ALG1L2: variants seen among roughly 807,000 people sequenced by gnomAD.
The protein encoded by ALG1L2 is ALG1 chitobiosyldiphosphodolichol beta-mannosyltransferase like 2.
ALG1L2 carries 32 observed loss-of-function variants against 29.0 expected under a neutral mutation model. That is an observed-to-expected ratio of 1.10 (90% CI 0.83 to 1.48). The LOEUF (loss-of-function observed/expected upper bound fraction) is 1.48, where lower values mean the gene tolerates loss of function less well. Ranked by LOEUF, ALG1L2 falls within the 40% of genes most tolerant of loss-of-function variation. The pLI, the probability that ALG1L2 is intolerant of heterozygous loss-of-function variation, is 0.00. For missense variants in ALG1L2, 318 were observed against 274.1 expected, an observed-to-expected ratio of 1.16 and a Z score of -1.13; for synonymous variants, 110 against 109.5, an observed-to-expected ratio of 1.00 and a Z score of -0.03.
intron 1 of ALG1L2, chr3:130,090,693 A>G (rs1165741590): frequency 6.5e-6 from 1 of 154,928 alleles, no homozygotes; most frequent in Non-Finnish European, 1.4e-5. Flanking sequence ...ATAAACGCTA[A>G]TAACTTACCT....
At chr3:130,090,416 G>A (rs1171530650) in intron 1 of ALG1L2, among the ~76,000 whole-genome samples, 5 of 152,304 alleles carry the variant, frequency 3.3e-5, no homozygotes, top group Non-Finnish European at 7.3e-5. Flanking sequence ...AATAGAATCA[G>A]CTTTGGACCC....
intron 5 of ALG1L2, among the ~76,000 whole-genome samples, chr3:130,095,822 C>T (rs140590021): frequency 0.026 from 3,901 of 152,120 alleles, 139 homozygotes; most frequent in African/African-American, 0.086. Flanking sequence ...AACAAAACAA[C>T]AAAAAAATCA....
At chr3:130,084,823 G>A (rs865774801) in intron 1 of ALG1L2, among the ~76,000 whole-genome samples, 2 of 130,086 alleles carry the variant, frequency 1.5e-5, no homozygotes, top group African/African-American at 2.6e-5. Context: ...CAGTCTTCAC[G>A]TGGTCTTCTC....
At chr3:130,082,868 T>C (rs1186212499) in intron 1 of ALG1L2, among the ~76,000 whole-genome samples, 3 of 143,652 alleles carry the variant, frequency 2.1e-5, no homozygotes, top group Admixed American at 7.2e-5. Flanking sequence ...CTGCAAGAGA[T>C]GCTGACAGCA....
intron 4 of ALG1L2, among the ~76,000 whole-genome samples, chr3:130,093,633 A>G (rs1336484917): frequency 6.6e-6 from 1 of 152,118 alleles, no homozygotes; most frequent in Non-Finnish European, 1.5e-5. Context: ...CATGTTGGCC[A>G]GGCTGGTCTT....
At position 130,098,365 on chromosome 3, in the gene ALG1L2, C is replaced by G. The variant is rs200632453; in HGVS notation, c.*110C>G. 1 of 1,596,160 alleles carries G rather than the reference C, an allele frequency of 6.3e-7. No homozygotes were observed. The highest frequency in any genetic ancestry group is 8.5e-7 in the Non-Finnish European group (1 of 1,179,626). ...GCTCCCTTTGGTTATGGACACATAACTCCTGGGCCAGAGGCTAAAACCCCA... is the reference window on the plus strand; with the variant it reads ...GCTCCCTTTGGTTATGGACACATAAGTCCTGGGCCAGAGGCTAAAACCCCA... On this transcript the variant is annotated 3_prime_UTR_variant, in exon 8 of 8. Transcript: ENST00000425059.
chr3:130,094,816 C>T (rs1577329756), intron 5 of ALG1L2, among the ~76,000 whole-genome samples: 2 of 152,338 alleles, frequency 1.3e-5, no homozygotes, highest in Middle Eastern at 6.8e-3. Flanking sequence ...GCCACTGTTG[C>T]CCAGGTGTGG....
chr3:130,089,775 TCA>T lies in ALG1L2; in HGVS notation c.21-1482_21-1481del, dbSNP rs529464427. 1.4e-4 allele frequency among the ~76,000 whole-genome samples: 22 copies of T among 152,428 alleles called. No individual in the cohort carries two copies. In the South Asian group the frequency reaches 4.3e-3, roughly 30 times the overall value. On this transcript the variant is annotated intron_variant, in intron 1 of 7. Transcript: ENST00000425059. ...AAATTGAAGGGCCAGGTGCAGTGAC[TCA>T]CACCTGTAATCTCAGCATTTTGGGA...
rs959683465 is a variant in ALG1L2 at position 130,097,349 on chromosome 3, A to G, written c.615+99A>G. ...TGTTTCACACAGCCAGGGTGGGACC[A>G]TGCGGGGTCTGGCGGAAAAGCTAGG... On this transcript the variant is annotated intron_variant, in intron 7 of 7. Transcript: ENST00000425059. The G allele has an allele frequency of 2.9e-5, 44 of 1,514,978 alleles. 1 individual carries two copies. In the Admixed American group the frequency reaches 5.5e-4, roughly 19 times the overall value. 93.8% of individuals were successfully genotyped at this position (1,514,978 alleles called of 1,614,324 possible).
rs138301768 is a variant in ALG1L2, at chr3:130,083,047, G to T, written c.20+1011G>T. Among the ~76,000 whole-genome samples, 12 of 132,602 alleles carry T rather than the reference G, an allele frequency of 9.0e-5. No homozygotes were observed. The East Asian group carries it at 1.9e-3, about 21-fold the overall frequency. 87.0% of individuals were successfully genotyped at this position (132,602 alleles called of 152,430 possible). A position where few individuals can be genotyped will look rare whatever the true frequency, so the allele number is the denominator to read the frequency against. On this transcript the variant is annotated intron_variant, in intron 1 of 7. Coordinates refer to ENST00000425059, the MANE Select transcript of ALG1L2 (RefSeq NM_001136152.1). The stretch of plus-strand genomic sequence containing the variant: ...GAACTGATGACATAGGAGAGGCAAA[G>T]ATAGCAGAGTCATAGTTGTTTTTCC...
intron 1 of ALG1L2, among the ~76,000 whole-genome samples, chr3:130,082,586 C>T (rs9872781): frequency 0.26 from 34,488 of 130,550 alleles, 3,148 homozygotes; most frequent in Middle Eastern, 0.32. Context: ...GATCTGCCCA[C>T]CTCAGCCTCC....
intron 3 of ALG1L2, among the ~76,000 whole-genome samples, chr3:130,092,817 G>A (rs1435698906): frequency 6.6e-6 from 1 of 152,148 alleles, no homozygotes; most frequent in Admixed American, 6.5e-5. Context: ...GATCACCTGA[G>A]GTCAGGAGTT....
chr3:130,081,844 C>G lies in ALG1L2; in HGVS notation c.-173C>G. ...GAAGGCTTCCAGGTGGGAGGTGACACCAGGAGGTAACCAGGTGGAAATCAC... is the reference window on the plus strand; with the variant it reads ...GAAGGCTTCCAGGTGGGAGGTGACAGCAGGAGGTAACCAGGTGGAAATCAC... On this transcript the variant is annotated 5_prime_UTR_variant, in exon 1 of 8. Transcript: ENST00000425059. The G allele has an allele frequency of 8.6e-6, 8 of 935,166 alleles. No individual in the cohort carries two copies. Among genetic ancestry groups the G allele is most frequent in the Non-Finnish European group, 1.2e-5 (7 of 603,480 alleles). The allele number at this position is 935,166 out of a possible 1,614,324, so 57.9% of individuals were successfully genotyped here. A position where few individuals can be genotyped will look rare whatever the true frequency, so the allele number is the denominator to read the frequency against.
At chr3:130,083,278 T>C (rs1265459246) in intron 1 of ALG1L2, among the ~76,000 whole-genome samples, 7 of 137,550 alleles carry the variant, frequency 5.1e-5, no homozygotes. Context: ...ACCCCGTCTC[T>C]ATTAAAAATA....
chr3:130,096,239 G>C, intron 6 of ALG1L2, 76 bp downstream of exon 6: 4 of 1,525,214 alleles, frequency 2.6e-6, no homozygotes, highest in Non-Finnish European at 3.6e-6. Flanking sequence ...TGCAGAGTGA[G>C]CTGCCCACAG....
intron 1 of ALG1L2, among the ~76,000 whole-genome samples, chr3:130,087,415 A>T (rs1228549188): frequency 1.3e-5 from 2 of 148,230 alleles, no homozygotes; most frequent in African/African-American, 4.8e-5. Flanking sequence ...ACAGAGACAC[A>T]ACAACTGAAA....
At chr3:130,091,229 A>G in intron 1 of ALG1L2, 32 bp from the exon 2 acceptor site, 1 of 1,587,514 alleles carries the variant, frequency 6.3e-7, no homozygotes, top group Non-Finnish European at 8.5e-7. Flanking sequence ...ATGCTGGACT[A>G]ATGCAATAGC....
intron 3 of ALG1L2, among the ~76,000 whole-genome samples, chr3:130,092,641 C>A (rs181831797): frequency 6.6e-6 from 1 of 152,156 alleles, no homozygotes; most frequent in Admixed American, 6.5e-5. Flanking sequence ...TGAAATGCCC[C>A]CTCCAGGAGA....
At chr3:130,093,671 G>A (rs536657581) in intron 4 of ALG1L2, among the ~76,000 whole-genome samples, 3 of 152,190 alleles carry the variant, frequency 2.0e-5, no homozygotes, top group African/African-American at 4.8e-5. Context: ...TGATCCACCC[G>A]CCTTGGCCTC....
Sources: allele counts gnomAD v4.1 joint callset (sites outside exome capture counted in the v4.1 genomes callset), GRCh38; gene constraint gnomAD v4.1.1; transcripts MANE v1.5; gene names NCBI Gene and HGNC (gene_info 2026-07-23, HGNC 2026-07-21).